PCDH17: variants seen among roughly 807,000 people sequenced by gnomAD.
The protein encoded by PCDH17 is protocadherin 17.
A neutral mutation model predicts 67.7 loss-of-function variants in PCDH17; 21 were observed. The observed-to-expected ratio is 0.31, with a 90% CI of 0.22 to 0.45. The LOEUF is 0.45. Ranked by LOEUF, PCDH17 falls within the 20% of genes least tolerant of loss-of-function variation. PCDH17 has a pLI of 1.00. For synonymous variants in PCDH17, 701 were observed against 656.7 expected (o/e 1.07, Z -1.03); for missense variants, 1,471 against 1,564.8 (o/e 0.94, Z 1.01).
intron 3 of PCDH17, among the ~76,000 whole-genome samples, chr13:57,672,222 A>G (rs1021289173): frequency 1.3e-5 from 2 of 152,046 alleles, no homozygotes; most frequent in Non-Finnish European, 2.9e-5. Flanking sequence ...TCCTTCCTAG[A>G]ACATTCTAGA....
chr13:57,665,172 T>TG (rs549277336), intron 1 of PCDH17, among the ~76,000 whole-genome samples: 33,936 of 150,414 alleles, frequency 0.23, 4,859 homozygotes, highest in African/African-American at 0.42. Context: ...AAGAAATTTG[T>TG]GGGGGGGGTT....
upstream of PCDH17, among the ~76,000 whole-genome samples, chr13:57,631,158 G>C (rs1006385580): frequency 6.6e-6 from 1 of 151,970 alleles, no homozygotes; most frequent in Non-Finnish European, 1.5e-5. Flanking sequence ...AAAAAAACAC[G>C]TACTTTATTT....
At chr13:57,672,394 G>C (rs1200804196) in intron 3 of PCDH17, among the ~76,000 whole-genome samples, 3 of 151,934 alleles carry the variant, frequency 2.0e-5, no homozygotes, top group Non-Finnish European at 2.9e-5. Context: ...GGTGGGGGAG[G>C]CTCTGAGTTT....
intron 1 of PCDH17, among the ~76,000 whole-genome samples, chr13:57,652,150 C>T (rs1593902129): frequency 6.6e-6 from 1 of 151,830 alleles, no homozygotes; most frequent in African/African-American, 2.4e-5. Context: ...CGGTGGCGGG[C>T]GCCTGTAGTC....
intron 1 of PCDH17, among the ~76,000 whole-genome samples, chr13:57,646,237 T>C (rs994639329): frequency 6.6e-6 from 1 of 151,616 alleles, no homozygotes. Context: ...TTTATGCAAA[T>C]ATTGAGTAAA....
rs1489313976 is a variant in PCDH17 at position 57,691,221 on chromosome 13, C to T, written c.2797+24388C>T. 2.0e-5 allele frequency among the ~76,000 whole-genome samples: 3 copies of T among 151,186 alleles called. No individual in the cohort carries two copies. In the East Asian group the frequency reaches 5.8e-4, roughly 29 times the overall value. On this transcript the variant is annotated intron_variant, in intron 3 of 3. Coordinates refer to ENST00000377918, the MANE Select transcript of PCDH17 (RefSeq NM_001040429.3). ...TGAAAGAAATAGAAAATGAAGCAAA[C>T]TTTTTGTTCATTTAAAATGAACTTA...
chr13:57,694,294 T>C (rs1955586640), intron 3 of PCDH17, among the ~76,000 whole-genome samples: 1 of 151,298 alleles, frequency 6.6e-6, no homozygotes, highest in South Asian at 2.1e-4. Flanking sequence ...TGCTACATTA[T>C]AATAGCTACT....
upstream of PCDH17, among the ~76,000 whole-genome samples, chr13:57,630,685 C>T (rs1428026943): frequency 6.6e-6 from 1 of 152,240 alleles, no homozygotes; most frequent in African/African-American, 2.4e-5. Flanking sequence ...GCTTCACCTT[C>T]TTCCCTCCAT....
chr13:57,682,746 C>T (rs114674480), intron 3 of PCDH17, among the ~76,000 whole-genome samples: 2,176 of 151,780 alleles, frequency 0.014, 54 homozygotes, highest in African/African-American at 0.049. Flanking sequence ...AAAGATTGAT[C>T]GAGTATTAAG....
intron 3 of PCDH17, among the ~76,000 whole-genome samples, chr13:57,667,475 A>T (rs1955268407): frequency 6.6e-6 from 1 of 152,074 alleles, no homozygotes; most frequent in East Asian, 1.9e-4. Context: ...TGTTGTTTCA[A>T]ATACAATAAA....
chr13:57,670,811 T>C (rs534809900), intron 3 of PCDH17, among the ~76,000 whole-genome samples: 2 of 151,880 alleles, frequency 1.3e-5, no homozygotes, highest in African/African-American at 4.8e-5. Context: ...TTTTTCTATT[T>C]GTTCCGTTCC....
chr13:57,701,110 A>G (rs180919829), intron 3 of PCDH17, among the ~76,000 whole-genome samples: 2 of 152,324 alleles, frequency 1.3e-5, no homozygotes, highest in Admixed American at 1.3e-4. Context: ...TAGACTAAAA[A>G]TAAACCTTCC....
At chr13:57,657,839 A>G (rs1367761028) in intron 1 of PCDH17, among the ~76,000 whole-genome samples, 2 of 152,210 alleles carry the variant, frequency 1.3e-5, no homozygotes, top group Non-Finnish European at 2.9e-5. Context: ...TAATTATACG[A>G]TTTAACACCA....
chr13:57,693,182 G>A (rs1955574738), intron 3 of PCDH17, among the ~76,000 whole-genome samples: 1 of 139,408 alleles, frequency 7.2e-6, no homozygotes, highest in South Asian at 2.3e-4. Flanking sequence ...CATTGAAATA[G>A]TAAAGGTGAA....
In PCDH17 at chr13:57,634,920, G is replaced by A. The variant is rs759243622; in HGVS notation, c.2374G>A (p.Ala792Thr). ...VMNVVSSPSL[A>T]TSPMYFDYQT... ...GAACGTGGTGAGCAGCCCCTCCCTG[G>A]CCACCTCCCCCATGTACTTCGACTA... Residue 792 changes from alanine (A) to threonine (T), a missense_variant, in exon 1 of 4, where the codon GCC becomes ACC. Physicochemically the swap from Ala to Thr is moderately conservative, Grantham distance 58. This residue lies in a region of PCDH17 where 1,163 missense variants were observed against 1,230.0 expected (regional missense o/e 0.95). Coordinates refer to ENST00000377918, the MANE Select transcript of PCDH17 (RefSeq NM_001040429.3). This position sits in a 1 kb window ranked among gnomAD's most constrained non-coding sequence, Gnocchi z 7.8. 8 of 1,613,624 alleles carry A rather than the reference G, an allele frequency of 5.0e-6. No homozygotes were observed. Among genetic ancestry groups the A allele is most frequent in the Middle Eastern group, 3.3e-4 (2 of 6,074 alleles).
chr13:57,702,371 T>A (rs1955675236), intron 3 of PCDH17, among the ~76,000 whole-genome samples: 1 of 152,014 alleles, frequency 6.6e-6, no homozygotes, highest in South Asian at 2.1e-4. Context: ...AATAGTAGCA[T>A]TCACTGAGTG....
At chr13:57,713,690 T>A (rs1389814367) in intron 3 of PCDH17, among the ~76,000 whole-genome samples, 1 of 151,684 alleles carries the variant, frequency 6.6e-6, no homozygotes. Context: ...TATGTATTTA[T>A]TCAAGTACAT....
At chr13:57,631,079 A>G (rs750143266), upstream of PCDH17, among the ~76,000 whole-genome samples, 1 of 152,096 alleles carries the variant, frequency 6.6e-6, no homozygotes, top group African/African-American at 2.4e-5. Context: ...AGAATGCATC[A>G]CGCCAAACCT....
intron 1 of PCDH17, among the ~76,000 whole-genome samples, chr13:57,657,896 C>T (rs1365825174): frequency 2.0e-5 from 3 of 152,150 alleles, no homozygotes; most frequent in Non-Finnish European, 4.4e-5. Context: ...CTGTTCACTA[C>T]ACATCCAACC....
Sources: gnomAD v4.1 joint callset for allele counts (sites outside exome capture counted in the v4.1 genomes callset) on GRCh38, gnomAD v4.1.1 for gene constraint, gnomAD v4.1.1 regional missense constraint, Gnocchi (gnomAD v3.1) non-coding constraint, MANE v1.5 for transcripts, NCBI Gene and HGNC (gene_info 2026-07-23, HGNC 2026-07-21) for gene names.